The following RABGAP1L variants were observed in gnomAD, a reference collection of about 807,000 sequenced individuals.
RABGAP1L encodes rab GTPase-activating protein 1-like.
RABGAP1L carries 63 observed loss-of-function variants against 137.7 expected under a neutral mutation model. The observed-to-expected ratio is 0.46, with a 90% CI of 0.37 to 0.56. The LOEUF is 0.56. Among genes scored for constraint, RABGAP1L ranks in the 20% least tolerant of loss-of-function variants. RABGAP1L has a pLI of 0.00. For synonymous variants in RABGAP1L, 431 were observed against 433.7 expected (o/e 0.99, Z 0.08); for missense variants, 1,095 against 1,244.0 (o/e 0.88, Z 1.80).
chr1:174,723,447 T>C (rs973946398), intron 17 of RABGAP1L, among the ~76,000 whole-genome samples: 3 of 152,128 alleles, frequency 2.0e-5, no homozygotes, highest in African/African-American at 7.2e-5. Context: ...ATACTGAGAG[T>C]AGTGATATGT....
chr1:174,733,411 T>C (rs1013529019), intron 17 of RABGAP1L, among the ~76,000 whole-genome samples: 8 of 152,212 alleles, frequency 5.3e-5, no homozygotes, highest in African/African-American at 1.9e-4. Flanking sequence ...ACAGATGCTA[T>C]GCTTTTGGTT....
intron 17 of RABGAP1L, 135 bp from the exon 18 acceptor site, chr1:174,752,178 A>C (rs542605743): frequency 3.3e-4 from 223 of 673,164 alleles, no homozygotes; most frequent in Middle Eastern, 2.9e-4. Flanking sequence ...TTAAAAAAAA[A>C]CTCATGGTTT....
intron 17 of RABGAP1L, among the ~76,000 whole-genome samples, chr1:174,728,481 CA>C (rs1682181376): frequency 6.6e-6 from 1 of 151,308 alleles, no homozygotes; most frequent in Non-Finnish European, 1.5e-5. Context: ...ATGACACAAA[CA>C]AATGAAAAAA....
At chr1:174,401,034 A>G (rs1388095145) in intron 13 of RABGAP1L, among the ~76,000 whole-genome samples, 1 of 152,102 alleles carries the variant, frequency 6.6e-6, no homozygotes, top group Admixed American at 6.6e-5. Context: ...GCAGGTTAGG[A>G]GCTGTAGACC....
intron 10 of RABGAP1L, among the ~76,000 whole-genome samples, chr1:174,300,453 G>A (rs1285925096): frequency 6.6e-6 from 1 of 151,334 alleles, no homozygotes; most frequent in African/African-American, 2.4e-5. Context: ...TGAACTCGGT[G>A]GTGGGGTGGA....
rs375862395 is a variant in RABGAP1L, at chr1:174,702,274, T to C, written c.2169+18T>C. The C allele has an allele frequency of 1.3e-6, 2 of 1,566,798 alleles. No individual in the cohort carries two copies. Among genetic ancestry groups the C allele is most frequent in the Non-Finnish European group, 1.7e-6 (2 of 1,157,402 alleles). ...TTTGTGAGGTAGAGTGACTCCCATC[T>C]TTCACTAAGCCAAAATAGAAAGTAG... On this transcript the variant is annotated intron_variant, in intron 17 of 25. Coordinates refer to ENST00000681986, the MANE Select transcript of RABGAP1L (RefSeq NM_001366446.1).
chr1:174,165,716 C>G (rs1268584770), intron 1 of RABGAP1L, among the ~76,000 whole-genome samples: 1 of 151,136 alleles, frequency 6.6e-6, no homozygotes, highest in African/African-American at 2.4e-5. Flanking sequence ...CCAGGCTGTT[C>G]TTGAACTTCT....
intron 13 of RABGAP1L, among the ~76,000 whole-genome samples, chr1:174,491,833 C>T (rs1402937296): frequency 6.6e-6 from 1 of 152,198 alleles, no homozygotes; most frequent in African/African-American, 2.4e-5. Context: ...CAGCTAAGTA[C>T]AGCCTGGTTC....
chr1:174,412,304 T>C (rs1475756328), intron 13 of RABGAP1L, among the ~76,000 whole-genome samples: 1 of 152,156 alleles, frequency 6.6e-6, no homozygotes, highest in East Asian at 1.9e-4. Context: ...ATTTATGTTT[T>C]CCATTTGCAT....
intron 13 of RABGAP1L, among the ~76,000 whole-genome samples, chr1:174,500,053 G>A (rs954306689): frequency 1.3e-5 from 2 of 150,526 alleles, no homozygotes; most frequent in African/African-American, 2.4e-5. Context: ...GATTTACCCA[G>A]TATAAATTAC....
intron 19 of RABGAP1L, among the ~76,000 whole-genome samples, chr1:174,934,525 G>A (rs894254606): frequency 8.5e-5 from 13 of 152,108 alleles, no homozygotes; most frequent in African/African-American, 2.4e-4. Flanking sequence ...GGTGGCTCGC[G>A]TGTGTAATCC....
At chr1:174,458,834 C>T (rs1248966559) in intron 13 of RABGAP1L, among the ~76,000 whole-genome samples, 1 of 152,088 alleles carries the variant, frequency 6.6e-6, no homozygotes, top group East Asian at 1.9e-4. Context: ...ATGATAATCT[C>T]ATAGTCTAAA....
chr1:174,803,611 ATT>A (rs200872896), intron 18 of RABGAP1L, among the ~76,000 whole-genome samples: 1 of 148,200 alleles, frequency 6.7e-6, no homozygotes, highest in African/African-American at 2.5e-5. Flanking sequence ...TCACATTTAG[ATT>A]TTTTTTTTTT....
intron 18 of RABGAP1L, among the ~76,000 whole-genome samples, chr1:174,794,156 A>G (rs573001660): frequency 1.4e-3 from 219 of 152,284 alleles, no homozygotes; most frequent in Non-Finnish European, 2.7e-3. Flanking sequence ...AAAATTGTCA[A>G]TCAGGCAAAG....
intron 19 of RABGAP1L, among the ~76,000 whole-genome samples, chr1:174,859,677 C>T (rs115627642): frequency 6.6e-5 from 10 of 151,844 alleles, no homozygotes; most frequent in Admixed American, 3.9e-4. Flanking sequence ...CAACACACAC[C>T]GGGGACTACC....
rs148252736 is a variant in RABGAP1L, at chr1:174,387,940, A to T, written c.1560-6055A>T. 3.4e-4 allele frequency among the ~76,000 whole-genome samples: 51 copies of T among 152,218 alleles called. No homozygotes were observed. In the East Asian group the frequency reaches 9.6e-3, roughly 29 times the overall value. On this transcript the variant is annotated intron_variant, in intron 12 of 25. Transcript: ENST00000681986. ...TATGTCATGATATGAAAAGGGTAACATTTGTGTAAACTACAGAAGTATAAA... is the reference window on the plus strand; with the variant it reads ...TATGTCATGATATGAAAAGGGTAACTTTTGTGTAAACTACAGAAGTATAAA...
At chr1:174,449,605 C>T (rs535203424) in intron 13 of RABGAP1L, among the ~76,000 whole-genome samples, 6 of 152,334 alleles carry the variant, frequency 3.9e-5, no homozygotes, top group African/African-American at 1.4e-4. Flanking sequence ...CTTACATAAA[C>T]TGCCCTTTGT....
At chr1:174,719,956 A>G (rs1681359812) in intron 17 of RABGAP1L, among the ~76,000 whole-genome samples, 1 of 152,168 alleles carries the variant, frequency 6.6e-6, no homozygotes, top group Admixed American at 6.5e-5. Flanking sequence ...AAGTATAATT[A>G]TGCCTAGAAG....
At chr1:174,322,375 A>C (rs573186268) in intron 11 of RABGAP1L, among the ~76,000 whole-genome samples, 1 of 152,148 alleles carries the variant, frequency 6.6e-6, no homozygotes, top group East Asian at 1.9e-4. Flanking sequence ...AGACTTTCTC[A>C]TGAAGAATCA....
Sources: gnomAD v4.1 joint callset for allele counts (sites outside exome capture counted in the v4.1 genomes callset) on GRCh38, gnomAD v4.1.1 for gene constraint, MANE v1.5 for transcripts, NCBI Gene and HGNC (gene_info 2026-07-23, HGNC 2026-07-21) for gene names.